Variants in RASGRP3 observed in about 807,000 individuals in gnomAD.
RASGRP3 encodes RAS guanyl releasing protein 3.
In RASGRP3, 54 loss-of-function variants were observed where a neutral mutation model predicts 82.7. The observed-to-expected ratio is 0.65, with a 90% CI of 0.52 to 0.82. The LOEUF (loss-of-function observed/expected upper bound fraction) is 0.82. RASGRP3 is among the 40% of genes least tolerant of loss of function. RASGRP3 has a pLI of 0.00. For missense variants in RASGRP3, 861 were observed against 828.9 expected, an observed-to-expected ratio of 1.04 and a Z score of -0.48; for synonymous variants, 309 against 300.5, an observed-to-expected ratio of 1.03 and a Z score of -0.29.
At chr2:33,480,312 G>A (rs961245499) in intron 1 of RASGRP3, among the ~76,000 whole-genome samples, 2 of 152,140 alleles carry the variant, frequency 1.3e-5, no homozygotes, top group African/African-American at 2.4e-5. Flanking sequence ...CAAAGTGCTG[G>A]GATTACAGGC....
intron 2 of RASGRP3, among the ~76,000 whole-genome samples, chr2:33,462,181 G>A (rs1666406044): frequency 6.6e-6 from 1 of 152,104 alleles, no homozygotes; most frequent in Admixed American, 6.6e-5. Flanking sequence ...AAAAACAAAT[G>A]AAGAAAGAAA....
intron 1 of RASGRP3, among the ~76,000 whole-genome samples, chr2:33,505,825 G>A (rs1347839800): frequency 2.0e-5 from 3 of 152,136 alleles, no homozygotes; most frequent in African/African-American, 7.2e-5. Flanking sequence ...AACTGCAGGT[G>A]TCTAGCATGT....
chr2:33,440,356 G>A (rs186461610), intron 1 of RASGRP3, among the ~76,000 whole-genome samples: 1 of 152,232 alleles, frequency 6.6e-6, no homozygotes, highest in African/African-American at 2.4e-5. Context: ...GAAAAGTGAG[G>A]TCAGAGAGAT....
At chr2:33,519,723 C>G (rs754278413) in intron 4 of RASGRP3, among the ~76,000 whole-genome samples, 6 of 152,192 alleles carry the variant, frequency 3.9e-5, no homozygotes, top group Admixed American at 6.5e-5. Flanking sequence ...AAAACTAATC[C>G]TGTAAGTGGC....
intron 17 of RASGRP3, among the ~76,000 whole-genome samples, chr2:33,561,609 T>G (rs866705098): frequency 7.2e-5 from 11 of 152,164 alleles, no homozygotes; most frequent in African/African-American, 2.6e-4. Context: ...GTTTGCAAAT[T>G]TAAGATTTTT....
chr2:33,490,521 C>T (rs1279892369), intron 1 of RASGRP3, among the ~76,000 whole-genome samples: 1 of 152,208 alleles, frequency 6.6e-6, no homozygotes, highest in Non-Finnish European at 1.5e-5. Flanking sequence ...GCTTCAGCTT[C>T]CATTCTATCC....
intron 6 of RASGRP3, among the ~76,000 whole-genome samples, chr2:33,521,270 G>A (rs1558478964): frequency 6.6e-6 from 1 of 152,266 alleles, no homozygotes; most frequent in East Asian, 1.9e-4. Context: ...GGTAACCGGT[G>A]CAATTAGGCC....
At chr2:33,551,433 TGG>T (rs1391738145) in intron 14 of RASGRP3, among the ~76,000 whole-genome samples, 1 of 152,118 alleles carries the variant, frequency 6.6e-6, no homozygotes, top group Non-Finnish European at 1.5e-5. Flanking sequence ...TCCTACAGAG[TGG>T]GACCCAGTAA....
intron 14 of RASGRP3, among the ~76,000 whole-genome samples, chr2:33,554,230 G>A (rs981685717): frequency 1.3e-5 from 2 of 152,104 alleles, no homozygotes; most frequent in African/African-American, 4.8e-5. Context: ...ACATGTGGGG[G>A]CATTGTTCAC....
chr2:33,451,110 C>A, intron 2 of RASGRP3, among the ~76,000 whole-genome samples: 1 of 151,834 alleles, frequency 6.6e-6, no homozygotes, highest in East Asian at 1.9e-4. Flanking sequence ...GTGATCTGCC[C>A]GCCTCAGCCT....
intron 11 of RASGRP3, among the ~76,000 whole-genome samples, chr2:33,537,164 G>C (rs1475740851): frequency 1.3e-5 from 2 of 150,792 alleles, no homozygotes; most frequent in African/African-American, 4.9e-5. Flanking sequence ...ATTGTATTAG[G>C]GTTCTCTTAG....
At chr2:33,439,315 G>C (rs1261648477) in intron 1 of RASGRP3, among the ~76,000 whole-genome samples, 1 of 152,230 alleles carries the variant, frequency 6.6e-6, no homozygotes, top group African/African-American at 2.4e-5. Flanking sequence ...AGGAAGACCT[G>C]ATCCAGACGG....
intron 14 of RASGRP3, among the ~76,000 whole-genome samples, chr2:33,551,799 C>T (rs1675387485): frequency 6.6e-6 from 1 of 152,202 alleles, no homozygotes; most frequent in Non-Finnish European, 1.5e-5. Flanking sequence ...CGAGACCATC[C>T]TGGCTAACAC....
intron 11 of RASGRP3, among the ~76,000 whole-genome samples, chr2:33,536,322 GAA>G (rs35520392): frequency 9.9e-4 from 126 of 127,742 alleles, no homozygotes; most frequent in East Asian, 1.8e-3. Context: ...ATTTAAAAAA[GAA>G]AAAAAAAAAA....
chr2:33,474,642 C>T (rs1667252513), upstream of RASGRP3, among the ~76,000 whole-genome samples: 2 of 152,118 alleles, frequency 1.3e-5, no homozygotes, highest in Non-Finnish European at 2.9e-5. Flanking sequence ...TTAGAAGTGC[C>T]CCCTGTCTGT....
intron 10 of RASGRP3, chr2:33,531,766 C>G (rs770562515): frequency 1.3e-5 from 2 of 152,202 alleles, no homozygotes; most frequent in Admixed American, 1.3e-4. Context: ...TGGAAATACC[C>G]AAGGGTGTTC....
At chr2:33,471,298 C>T (rs1297048952) in intron 2 of RASGRP3, among the ~76,000 whole-genome samples, 2 of 130,132 alleles carry the variant, frequency 1.5e-5, no homozygotes, top group Admixed American at 7.6e-5. Flanking sequence ...GCCTCATCCT[C>T]CCAGGTTGGT....
intron 1 of RASGRP3, among the ~76,000 whole-genome samples, chr2:33,499,497 G>A (rs1035611957): frequency 6.6e-6 from 1 of 152,122 alleles, no homozygotes. Context: ...GGTGGAGGTT[G>A]CAGTGTGCCA....
At chr2:33,468,636 G>A (rs950363990) in intron 2 of RASGRP3, among the ~76,000 whole-genome samples, 1 of 152,056 alleles carries the variant, frequency 6.6e-6, no homozygotes, top group Non-Finnish European at 1.5e-5. Flanking sequence ...TCCTGACCTC[G>A]TGATCCACCT....
Sources: allele counts gnomAD v4.1 joint callset (sites outside exome capture counted in the v4.1 genomes callset), GRCh38; gene constraint gnomAD v4.1.1; transcripts MANE v1.5; gene names NCBI Gene and HGNC (gene_info 2026-07-23, HGNC 2026-07-21).